The following RAB27A variants were observed in gnomAD, a reference collection of about 807,000 sequenced individuals.
RAB27A encodes the protein ras-related protein Rab-27A.
A neutral mutation model predicts 20.8 loss-of-function variants in RAB27A; 17 were observed. That is an observed-to-expected ratio of 0.82 (90% CI 0.56 to 1.23). The LOEUF is 1.23. Ranked by LOEUF, RAB27A falls within the 50% of genes most tolerant of loss-of-function variation. The pLI is 0.00. For missense variants in RAB27A, 277 were observed against 266.7 expected, an observed-to-expected ratio of 1.04 and a Z score of -0.27; for synonymous variants, 85 against 92.8, an observed-to-expected ratio of 0.92 and a Z score of 0.48.
At chr15:55,296,647 CTT>C (rs1428729126) in intron 2 of RAB27A, among the ~76,000 whole-genome samples, 1 of 152,102 alleles carries the variant, frequency 6.6e-6, no homozygotes, top group African/African-American at 2.4e-5. Flanking sequence ...CAGTTAAAGA[CTT>C]ATTTATTTTT....
chr15:55,232,966 A>G (rs1896091894), intron 3 of RAB27A, among the ~76,000 whole-genome samples: 1 of 152,026 alleles, frequency 6.6e-6, no homozygotes, highest in African/African-American at 2.4e-5. Flanking sequence ...ACTACTAAAA[A>G]TATAAACAAT....
chr15:55,230,623 T>C lies in RAB27A; in HGVS notation c.154-137A>G, dbSNP rs1342081954. 6 of 667,104 alleles carry C rather than the reference T, an allele frequency of 9.0e-6. No homozygotes were observed. In the Admixed American group the frequency reaches 1.5e-4, roughly 17 times the overall value. The allele number at this position is 667,104 out of a possible 1,614,324, so 41.3% of individuals were successfully genotyped here. ...GCCATCTGGAATACAACCATGTTTG[T>C]ATTTATGTCAAATAATTATATCCAG... On this transcript the variant is annotated intron_variant, in intron 3 of 6. Coordinates refer to ENST00000336787, the MANE Select transcript of RAB27A (RefSeq NM_183235.3).
At chr15:55,315,110 A>T (rs1166182678) in intron 1 of RAB27A, among the ~76,000 whole-genome samples, 1 of 152,192 alleles carries the variant, frequency 6.6e-6, no homozygotes, top group Non-Finnish European at 1.5e-5. Context: ...ACCACCATAC[A>T]TCTACAACCA....
chr15:55,306,548 G>C (rs189447674), intron 2 of RAB27A, among the ~76,000 whole-genome samples: 4 of 152,268 alleles, frequency 2.6e-5, no homozygotes, highest in Admixed American at 6.5e-5. Context: ...AGACATACCA[G>C]TATGGGTGAA....
At chr15:55,209,508 T>C (rs545382710) in intron 6 of RAB27A, among the ~76,000 whole-genome samples, 4 of 152,110 alleles carry the variant, frequency 2.6e-5, no homozygotes, top group Non-Finnish European at 5.9e-5. Flanking sequence ...CCATTGTATA[T>C]ATAAACCATA....
intron 2 of RAB27A, among the ~76,000 whole-genome samples, chr15:55,269,013 T>C (rs779511415): frequency 2.6e-5 from 4 of 152,090 alleles, no homozygotes; most frequent in Non-Finnish European, 4.4e-5. Flanking sequence ...TGAAGAGACA[T>C]AGGGAGAAGA....
intron 6 of RAB27A, among the ~76,000 whole-genome samples, chr15:55,213,249 T>C (rs1329915257): frequency 1.3e-5 from 2 of 152,246 alleles, no homozygotes; most frequent in Non-Finnish European, 2.9e-5. Context: ...TTACTGTTCT[T>C]GAAGAATGTT....
intron 2 of RAB27A, among the ~76,000 whole-genome samples, chr15:55,258,768 T>C (rs559737237): frequency 1.3e-5 from 2 of 152,328 alleles, no homozygotes; most frequent in Non-Finnish European, 2.9e-5. Flanking sequence ...ATTAGTTTCT[T>C]GGCCATCTAG....
intron 2 of RAB27A, among the ~76,000 whole-genome samples, chr15:55,242,087 T>A (rs1180515000): frequency 6.6e-6 from 1 of 151,878 alleles, no homozygotes; most frequent in Non-Finnish European, 1.5e-5. Context: ...AACCTTAGGA[T>A]CCCCCACTAT....
intron 6 of RAB27A, among the ~76,000 whole-genome samples, chr15:55,215,945 CAAAA>C (rs1162706734): frequency 3.8e-5 from 2 of 52,890 alleles, no homozygotes; most frequent in Middle Eastern, 9.1e-3. Context: ...GACGCCGTCT[CAAAA>C]AAAAAAAAAA....
At chr15:55,316,424 C>T (rs1274862340) in intron 1 of RAB27A, among the ~76,000 whole-genome samples, 1 of 3,402 alleles carries the variant, frequency 2.9e-4, no homozygotes, top group African/African-American at 2.1e-3. Flanking sequence ...TGGGGCCTGT[C>T]GGGGGCGGGT....
chr15:55,302,705 G>A (rs2054978045), intron 2 of RAB27A, among the ~76,000 whole-genome samples: 2 of 116,526 alleles, frequency 1.7e-5, no homozygotes, highest in African/African-American at 4.4e-5. Flanking sequence ...TCTGAGATGT[G>A]GGGAGCGCCT....
At chr15:55,281,335 C>G (rs886652512) in intron 1 of RAB27A, among the ~76,000 whole-genome samples, 1 of 152,164 alleles carries the variant, frequency 6.6e-6, no homozygotes, top group Admixed American at 6.5e-5. Flanking sequence ...GAAGCATACA[C>G]TGTCCTCAAA....
chr15:55,277,764 C>G (rs1897913679), intron 1 of RAB27A, among the ~76,000 whole-genome samples: 1 of 152,230 alleles, frequency 6.6e-6, no homozygotes, highest in Non-Finnish European at 1.5e-5. Context: ...ATTTGTCCAA[C>G]TCAGAACCGT....
intron 2 of RAB27A, among the ~76,000 whole-genome samples, chr15:55,237,622 C>T (rs1189811807): frequency 6.6e-6 from 1 of 152,096 alleles, no homozygotes; most frequent in Non-Finnish European, 1.5e-5. Flanking sequence ...CGTCATATCA[C>T]AGCATCACAC....
In RAB27A at chr15:55,223,913, G is replaced by A; in HGVS notation, c.443C>T (p.Ala148Val). 6.2e-7 allele frequency: 1 copy of A among 1,613,722 alleles called. No homozygotes were observed. The highest frequency in any genetic ancestry group is 8.5e-7 in the Non-Finnish European group (1 of 1,179,876). Residue 148 changes from alanine to valine, a missense_variant, in exon 6 of 7, where the codon GCC (alanine) becomes GTC (valine). By Grantham distance (64) the Ala-to-Val change is moderately conservative. Transcript: ENST00000336787. Reference sequence around the variant, plus strand: ...CCCATATTTCTCTGCGAGTGCTATGGCTTCCTCCTCTTTCACTACTCTCTG... The same window carrying A: ...CCCATATTTCTCTGCGAGTGCTATGACTTCCTCCTCTTTCACTACTCTCTG... The part of the protein sequence containing the change: ...EDQRVVKEEE[A>V]IALAEKYGIP...
At chr15:55,298,280 ACTT>A (rs1458663497) in intron 2 of RAB27A, among the ~76,000 whole-genome samples, 4 of 151,768 alleles carry the variant, frequency 2.6e-5, no homozygotes, top group Non-Finnish European at 5.9e-5. Context: ...GTTCTTTTCT[ACTT>A]TCCCTAAGCA....
intron 1 of RAB27A, among the ~76,000 whole-genome samples, chr15:55,285,767 GAATA>G (rs1898135681): frequency 6.6e-6 from 1 of 152,152 alleles, no homozygotes; most frequent in Admixed American, 6.6e-5. Flanking sequence ...CGTTTCTATT[GAATA>G]AATAAATAAG....
chr15:55,255,764 G>T (rs1897055548), intron 2 of RAB27A, among the ~76,000 whole-genome samples: 1 of 152,164 alleles, frequency 6.6e-6, no homozygotes, highest in South Asian at 2.1e-4. Context: ...TCAAGAAGTT[G>T]GTAATTAGGG....
Sources: allele counts gnomAD v4.1 joint callset (sites outside exome capture counted in the v4.1 genomes callset), GRCh38; gene constraint gnomAD v4.1.1; transcripts MANE v1.5; gene names NCBI Gene and HGNC (gene_info 2026-07-23, HGNC 2026-07-21).